Variants in ZNF226 observed in about 807,000 individuals in gnomAD.
The protein encoded by ZNF226 is zinc finger protein 226.
A neutral mutation model predicts 11.4 loss-of-function variants in ZNF226; 6 were observed. That is an observed-to-expected ratio of 0.53 (90% CI 0.29 to 1.04). The LOEUF (loss-of-function observed/expected upper bound fraction) is 1.04, where lower values mean the gene tolerates loss of function less well. Among genes scored for constraint, ZNF226 ranks in the 50% least tolerant of loss-of-function variants. The probability of loss-of-function intolerance (pLI) is 0.08; values close to 1 mark genes in which losing one functional copy is unlikely to be tolerated. For synonymous variants in ZNF226, 350 were observed against 322.8 expected, an observed-to-expected ratio of 1.08 and a Z score of -0.90; for missense variants, 1,058 against 956.5, an observed-to-expected ratio of 1.11 and a Z score of -1.40.
At chr19:44,177,979 A>C (rs1449603999), downstream of ZNF226, 2 of 244,578 alleles carry the variant, frequency 8.2e-6, no homozygotes, top group Non-Finnish European at 1.6e-5. Flanking sequence ...CTGAATCTAC[A>C]TAATCTTACC....
the ZNF226 span, among the ~76,000 whole-genome samples, chr19:44,191,217 C>T: frequency 4.6e-5 from 7 of 152,104 alleles, no homozygotes; most frequent in Non-Finnish European, 1.0e-4. Flanking sequence ...AATCTGATTG[C>T]AGATACCTTT....
At chr19:44,198,620 T>G in the ZNF226 span, among the ~76,000 whole-genome samples, 1 of 152,230 alleles carries the variant, frequency 6.6e-6, no homozygotes, top group Admixed American at 6.5e-5. Flanking sequence ...AGACCCCTAT[T>G]GTTGTGTTTT....
rs757604946 is a variant in ZNF226, at chr19:44,175,903, G to A, written c.641G>A (p.Gly214Asp). 1 of 1,613,354 alleles carries A rather than the reference G, an allele frequency of 6.2e-7. No individual in the cohort carries two copies. The highest frequency in any genetic ancestry group is 2.2e-5 in the East Asian group (1 of 44,878). ...ATCGGTTGGATTTCACATCATGATG[G>A]TCATAGAGTACACAAAAGTGAAAAA... Reference protein sequence around the residue: ...DPIGWISHHDGHRVHKSEKSY... With the variant: ...DPIGWISHHDDHRVHKSEKSY... The change falls in exon 6 of 6, where the codon GGT becomes GAT. Residue 214 changes from glycine (G) to aspartate (D), a missense_variant. Transcript: ENST00000337433.
Position 44,176,302 on chromosome 19 carries a change from G to C in ZNF226, c.1040G>C (p.Arg347Thr), listed in dbSNP as rs778806469. 6.2e-7 allele frequency: 1 copy of C among 1,614,078 alleles called. No individual in the cohort carries two copies. Among genetic ancestry groups the C allele is most frequent in the African/African-American group, 1.3e-5 (1 of 74,928 alleles). The part of the protein sequence containing the change: ...CKQCGKGFSR[R>T]SALNVHCKVH... ...CAATGTGGGAAAGGTTTCAGTCGTA[G>C]ATCAGCACTTAATGTTCATTGCAAG... is the stretch of plus-strand genomic sequence containing the variant. The change falls in exon 6 of 6, where the codon AGA becomes ACA. Residue 347 changes from arginine (R) to threonine (T), a missense_variant. Transcript: ENST00000337433.
the ZNF226 span, among the ~76,000 whole-genome samples, chr19:44,194,464 A>G: frequency 6.6e-6 from 1 of 152,066 alleles, no homozygotes; most frequent in Non-Finnish European, 1.5e-5. Flanking sequence ...ATATTTTTAG[A>G]GACAGGGTCT....
chr19:44,172,538 C>T, intron 4 of ZNF226: 1 of 417,358 alleles, frequency 2.4e-6, no homozygotes, highest in Non-Finnish European at 4.2e-6. Flanking sequence ...GTAGAAAATA[C>T]TAGAACTCCT....
chr19:44,192,297 C>CGAGCGAGA, the ZNF226 span, among the ~76,000 whole-genome samples: 1 of 151,730 alleles, frequency 6.6e-6, no homozygotes, highest in African/African-American at 2.4e-5. Context: ...AGAGAGAGAG[C>CGAGCGAGA]GAGCGAGAGA....
chr19:44,189,144 T>C, the ZNF226 span, among the ~76,000 whole-genome samples: 1 of 152,222 alleles, frequency 6.6e-6, no homozygotes. Context: ...GTGTGGGCTA[T>C]TATTTCAAAG....
chr19:44,168,572 A>T (rs1248328832), intron 2 of ZNF226, among the ~76,000 whole-genome samples: 1 of 152,172 alleles, frequency 6.6e-6, no homozygotes, highest in Non-Finnish European at 1.5e-5. Context: ...TTTCTAGAGT[A>T]TTGAGAAATT....
Position 44,175,699 on chromosome 19 carries a change from A to G in ZNF226, c.437A>G (p.Glu146Gly). ...TELSIQISEDENYIVNKADGP... is the reference protein window; with the variant it reads ...TELSIQISEDGNYIVNKADGP... Reference sequence around the variant, plus strand: ...CTGTCTATTCAAATTTCTGAAGATGAGAACTATATAGTAAATAAAGCAGAT... The same window carrying G: ...CTGTCTATTCAAATTTCTGAAGATGGGAACTATATAGTAAATAAAGCAGAT... Residue 146 changes from glutamate to glycine, a missense_variant, in exon 6 of 6, where the codon GAG (glutamate) becomes GGG (glycine). Glu to Gly is a moderately conservative substitution (Grantham distance 98, BLOSUM62 -2). Transcript: ENST00000337433. 6.2e-7 allele frequency: 1 copy of G among 1,612,448 alleles called. No homozygotes were observed. The highest frequency in any genetic ancestry group is 8.5e-7 in the Non-Finnish European group (1 of 1,179,438).
At chr19:44,170,117 C>G (rs371987082) in intron 3 of ZNF226, 22 bp downstream of exon 3, 108 of 1,610,246 alleles carry the variant, frequency 6.7e-5, no homozygotes, top group Non-Finnish European at 9.0e-5. Flanking sequence ...TTGCCTTTCC[C>G]AGCTGTTAAA....
chr19:44,199,214 A>G, the ZNF226 span, among the ~76,000 whole-genome samples: 2 of 152,030 alleles, frequency 1.3e-5, no homozygotes, highest in African/African-American at 4.8e-5. Flanking sequence ...TCACTCTGTC[A>G]CCCAGGCTGA....
the ZNF226 span, among the ~76,000 whole-genome samples, chr19:44,191,747 A>G: frequency 6.6e-6 from 1 of 152,098 alleles, no homozygotes; most frequent in Admixed American, 6.6e-5. Context: ...AAAAGCAAAT[A>G]CAGAACATTA....
At chr19:44,166,891 G>A (rs890056735) in intron 2 of ZNF226, 3 of 152,158 alleles carry the variant, frequency 2.0e-5, no homozygotes, top group African/African-American at 7.2e-5. Flanking sequence ...AGGTGAGCGA[G>A]ATGCATGTTA....
At chr19:44,173,262 C>T in intron 5 of ZNF226, 1 of 438,934 alleles carries the variant, frequency 2.3e-6, no homozygotes, top group South Asian at 6.3e-5. Flanking sequence ...GCTTTTCATC[C>T]CCCACTACCT....
downstream of ZNF226, chr19:44,178,480 C>T (rs964696766): frequency 4.6e-5 from 7 of 152,142 alleles, no homozygotes; most frequent in Non-Finnish European, 8.8e-5. Flanking sequence ...AGGGCTTTAG[C>T]ATTACTTTAA....
Position 44,173,079 on chromosome 19 carries a change from T to C in ZNF226, c.235+127T>C, listed in dbSNP as rs889820928. The C allele has an allele frequency of 1.2e-5, 10 of 868,006 alleles. No individual in the cohort carries two copies. The Admixed American group carries it at 1.9e-4, about 16-fold the overall frequency. The allele number at this position is 868,006 out of a possible 1,614,324, so 53.8% of individuals were successfully genotyped here. On this transcript the variant is annotated intron_variant, in intron 5 of 5. Coordinates refer to ENST00000337433, the MANE Select transcript of ZNF226 (RefSeq NM_001032373.2). Reference sequence around the variant, plus strand: ...TCCTGGATTATTGCAACACCCTTTGTACTGCTTGCCCTGCTCCCACCCCTC... The same window carrying C: ...TCCTGGATTATTGCAACACCCTTTGCACTGCTTGCCCTGCTCCCACCCCTC...
chr19:44,185,051 G>A, the ZNF226 span, among the ~76,000 whole-genome samples: 1 of 152,114 alleles, frequency 6.6e-6, no homozygotes, highest in Non-Finnish European at 1.5e-5. Context: ...ATTTCACTTA[G>A]CATAATGTTC....
downstream of ZNF226, chr19:44,177,945 TAA>T: frequency 3.2e-6 from 1 of 316,098 alleles, no homozygotes; most frequent in Non-Finnish European, 5.8e-6. Flanking sequence ...GTTAACTCCA[TAA>T]AGACAGAAAC....
Sources: gnomAD v4.1 joint callset for allele counts (sites outside exome capture counted in the v4.1 genomes callset) on GRCh38, gnomAD v4.1.1 for gene constraint, MANE v1.5 for transcripts, NCBI Gene and HGNC (gene_info 2026-07-23, HGNC 2026-07-21) for gene names.